Variants in STK39 observed in about 807,000 individuals in gnomAD.
STK39 encodes the protein STE20/SPS1-related proline-alanine-rich protein kinase.
In STK39, 20 loss-of-function variants were observed where a neutral mutation model predicts 77.8. That is an observed-to-expected ratio of 0.26 (90% CI 0.18 to 0.37). STK39 has a LOEUF of 0.37. Ranked by LOEUF, STK39 falls within the 10% of genes least tolerant of loss-of-function variation. The probability of loss-of-function intolerance (pLI) is 1.00; values close to 1 mark genes in which losing one functional copy is unlikely to be tolerated. For missense variants in STK39, 479 were observed against 656.5 expected, an observed-to-expected ratio of 0.73 and a Z score of 2.95; for synonymous variants, 246 against 234.1, an observed-to-expected ratio of 1.05 and a Z score of -0.47.
chr2:167,978,127 T>G (rs1283992639), intron 16 of STK39, among the ~76,000 whole-genome samples: 1 of 152,154 alleles, frequency 6.6e-6, no homozygotes, highest in Non-Finnish European at 1.5e-5. Flanking sequence ...GCACCGATCT[T>G]AGGTTTTACA....
chr2:168,115,466 T>C (rs1052614133), intron 10 of STK39, among the ~76,000 whole-genome samples: 3 of 152,182 alleles, frequency 2.0e-5, no homozygotes, highest in Admixed American at 2.0e-4. Context: ...GGAAATAGAC[T>C]AACAAAATAG....
chr2:168,138,227 G>C lies in STK39; in HGVS notation c.841-6C>G. On this transcript the variant is annotated splice_polypyrimidine_tract_variant and splice_region_variant and intron_variant, in intron 7 of 17. Transcript: ENST00000355999. Reference sequence around the variant, plus strand: ...TGCAAAGTCAACATTAACACCTGCAGCAGAAACAAACATGAAGACAGAATC... The same window carrying C: ...TGCAAAGTCAACATTAACACCTGCACCAGAAACAAACATGAAGACAGAATC... The C allele has an allele frequency of 1.2e-6, 2 of 1,609,174 alleles. No individual in the cohort carries two copies. The highest frequency in any genetic ancestry group is 1.7e-6 in the Non-Finnish European group (2 of 1,177,478).
chr2:168,185,865 G>T (rs947513368), intron 1 of STK39, among the ~76,000 whole-genome samples: 1 of 152,124 alleles, frequency 6.6e-6, no homozygotes, highest in African/African-American at 2.4e-5. Context: ...CATGTAGCAG[G>T]CAGTTCACTA....
At chr2:168,055,659 A>T (rs1369581205) in intron 14 of STK39, among the ~76,000 whole-genome samples, 2 of 152,252 alleles carry the variant, frequency 1.3e-5, no homozygotes, top group Non-Finnish European at 2.9e-5. Flanking sequence ...AATGCCATCC[A>T]TAGGGCTGAG....
intron 10 of STK39, among the ~76,000 whole-genome samples, chr2:168,108,180 G>A (rs754745072): frequency 3.3e-5 from 5 of 152,198 alleles, no homozygotes; most frequent in Admixed American, 6.5e-5. Flanking sequence ...CACAGTTTGG[G>A]AGATGTCTTG....
At chr2:168,078,014 G>A (rs2105409585) in intron 10 of STK39, among the ~76,000 whole-genome samples, 1 of 151,526 alleles carries the variant, frequency 6.6e-6, no homozygotes, top group South Asian at 2.1e-4. Flanking sequence ...CATTGCTCTT[G>A]TTCTACTAAA....
intron 1 of STK39, among the ~76,000 whole-genome samples, chr2:168,237,615 TCCC>T (rs1690654237): frequency 6.6e-6 from 1 of 152,178 alleles, no homozygotes; most frequent in Admixed American, 6.5e-5. Flanking sequence ...TTGAGATACG[TCCC>T]ATCAATACCT....
intron 1 of STK39, among the ~76,000 whole-genome samples, chr2:168,201,030 A>G (rs1689599419): frequency 6.6e-6 from 1 of 152,246 alleles, no homozygotes; most frequent in Non-Finnish European, 1.5e-5. Flanking sequence ...TCTAAGGTTT[A>G]CATTCACAGC....
chr2:168,097,932 CCACA>C (rs1686714579), intron 10 of STK39, among the ~76,000 whole-genome samples: 2 of 152,222 alleles, frequency 1.3e-5, no homozygotes, highest in Non-Finnish European at 2.9e-5. Context: ...TTTACAAGAG[CCACA>C]CAAATTGGTA....
chr2:168,129,666 G>A, intron 9 of STK39, 44 bp downstream of exon 9: 6 of 1,613,874 alleles, frequency 3.7e-6, no homozygotes, highest in Non-Finnish European at 5.1e-6. Flanking sequence ...AATACACAGT[G>A]ATTTCAAAAA....
chr2:168,247,304 G>A lies in STK39; in HGVS notation c.132C>T (p.Ala44=). The part of the protein sequence containing the change: ...APAPAAPAAP[A]PAPAPAAQAV... ...CCTGTGCCGCCGGGGCCGGGGCCGG[G>A]GCCGGGGCCGCGGGAGCTGCCGGGG... The change falls in exon 1 of 18, where the codon GCC becomes GCT. Residue 44 remains alanine (A), a synonymous_variant. Coordinates refer to ENST00000355999, the MANE Select transcript of STK39 (RefSeq NM_013233.3). The A allele has an allele frequency of 1.9e-6, 2 of 1,036,832 alleles. No homozygotes were observed. The highest frequency in any genetic ancestry group is 2.3e-6 in the Non-Finnish European group (2 of 861,314). The allele number at this position is 1,036,832 out of a possible 1,614,324, so 64.2% of individuals were successfully genotyped here.
At chr2:168,244,600 T>G (rs1467630740) in intron 1 of STK39, among the ~76,000 whole-genome samples, 1 of 152,240 alleles carries the variant, frequency 6.6e-6, no homozygotes, top group Non-Finnish European at 1.5e-5. Context: ...GCAAAAGTGC[T>G]TAACCACAAG....
At chr2:168,153,150 AAG>A (rs1688334916) in intron 5 of STK39, among the ~76,000 whole-genome samples, 1 of 152,230 alleles carries the variant, frequency 6.6e-6, no homozygotes, top group African/African-American at 2.4e-5. Context: ...CCTAACATTA[AAG>A]AGTCACTGAA....
chr2:168,171,997 T>A (rs868525118), intron 2 of STK39, among the ~76,000 whole-genome samples: 3 of 152,138 alleles, frequency 2.0e-5, no homozygotes, highest in African/African-American at 7.2e-5. Context: ...GCTTGGAAGC[T>A]TGGCCTTGCC....
At chr2:168,211,506 T>C (rs1689890238) in intron 1 of STK39, among the ~76,000 whole-genome samples, 1 of 152,250 alleles carries the variant, frequency 6.6e-6, no homozygotes, top group Admixed American at 6.5e-5. Context: ...TTCTCAACCA[T>C]GCTTTGTGCC....
At chr2:168,127,788 C>G (rs1517335) in intron 10 of STK39, among the ~76,000 whole-genome samples, 123,004 of 152,192 alleles carry the variant, frequency 0.81, 49,660 homozygotes, top group Admixed American at 0.82. Flanking sequence ...AGAATAGAAA[C>G]GGGGAATGGA....
chr2:167,986,546 G>C (rs575556181), intron 16 of STK39, among the ~76,000 whole-genome samples: 3 of 152,268 alleles, frequency 2.0e-5, no homozygotes, highest in Admixed American at 6.5e-5. Context: ...TAGATAAAGA[G>C]AGAGGATACC....
intron 10 of STK39, among the ~76,000 whole-genome samples, chr2:168,095,868 C>T (rs1224218924): frequency 1.3e-5 from 2 of 152,072 alleles, no homozygotes; most frequent in Admixed American, 1.3e-4. Flanking sequence ...CTTTGCTTTT[C>T]TTTTGTTGAA....
intron 5 of STK39, among the ~76,000 whole-genome samples, chr2:168,141,624 T>C (rs1447708142): frequency 2.0e-5 from 3 of 152,212 alleles, no homozygotes; most frequent in Admixed American, 1.3e-4. Context: ...TCAAGACTAG[T>C]GTACCTATCA....
Sources: allele counts gnomAD v4.1 joint callset (sites outside exome capture counted in the v4.1 genomes callset), GRCh38; gene constraint gnomAD v4.1.1; transcripts MANE v1.5; gene names NCBI Gene and HGNC (gene_info 2026-07-23, HGNC 2026-07-21).